LARP1B: variants seen among roughly 807,000 people sequenced by gnomAD.
LARP1B encodes the protein la-related protein 1B.
In LARP1B, 76 loss-of-function variants were observed where a neutral mutation model predicts 114.2. That is an observed-to-expected ratio of 0.67 (90% CI 0.55 to 0.81). The LOEUF (loss-of-function observed/expected upper bound fraction) is 0.81. LARP1B is among the 30% of genes least tolerant of loss of function. The probability of loss-of-function intolerance (pLI) is 0.00; values close to 1 mark genes in which losing one functional copy is unlikely to be tolerated. For synonymous variants in LARP1B, 345 were observed against 348.0 expected (o/e 0.99, Z 0.10); for missense variants, 1,014 against 1,075.8 (o/e 0.94, Z 0.80).
At chr4:128,182,043 A>T (rs1360627593) in intron 15 of LARP1B, among the ~76,000 whole-genome samples, 2 of 143,394 alleles carry the variant, frequency 1.4e-5, no homozygotes, top group African/African-American at 2.6e-5. Context: ...CAATCTCCTG[A>T]TCTCGTGATC....
At chr4:128,214,343 G>C (rs944690829), downstream of LARP1B, among the ~76,000 whole-genome samples, 16 of 148,960 alleles carry the variant, frequency 1.1e-4, no homozygotes, top group Admixed American at 2.0e-4. Context: ...CTCCACTTCT[G>C]GGGGCAGGGC....
rs377468611 is a variant in LARP1B, at chr4:128,077,778, C to A, written c.43-10C>A. The A allele has an allele frequency of 6.6e-7, 1 of 1,526,120 alleles. No homozygotes were observed. The highest frequency in any genetic ancestry group is 2.3e-5 in the East Asian group (1 of 43,250). The allele number at this position is 1,526,120 out of a possible 1,614,324, so 94.5% of individuals were successfully genotyped here. A position where few individuals can be genotyped will look rare whatever the true frequency, so the allele number is the denominator to read the frequency against. On this transcript the variant is annotated splice_polypyrimidine_tract_variant and intron_variant, in intron 3 of 19. Transcript: ENST00000326639. ...ATGGAAATCATTTCATTCTGAAAAC[C>A]TTTTTGCAGTTTCAGAGCGTCCTCA...
chr4:128,178,693 T>G (rs373342385), intron 14 of LARP1B, 51 bp downstream of exon 14: 191 of 1,304,148 alleles, frequency 1.5e-4, no homozygotes, highest in Non-Finnish European at 2.0e-4. Flanking sequence ...TCCTTTAACA[T>G]TACAGAATGA....
chr4:128,096,800 C>T (rs1190029661), intron 7 of LARP1B, among the ~76,000 whole-genome samples: 2 of 151,962 alleles, frequency 1.3e-5, no homozygotes, highest in African/African-American at 2.4e-5. Flanking sequence ...CGGAGTTTCA[C>T]CATGTTAGCC....
Position 128,082,168 on chromosome 4 carries a change from A to G in LARP1B, c.221A>G (p.Asn74Ser). The G allele has an allele frequency of 6.2e-7, 1 of 1,609,734 alleles. No individual in the cohort carries two copies. The highest frequency in any genetic ancestry group is 8.5e-7 in the Non-Finnish European group (1 of 1,179,406). Residue 74 changes from asparagine (N) to serine (S), a missense_variant, in exon 5 of 20, where the codon AAT becomes AGT. Transcript: ENST00000326639. ...AQSSNQRKRA[N>S]KHKWVPLHLD... ...AAATGATTTTGTTTTCTTCAAGCTA[A>G]TAAGCACAAGTGGGTACCACTCCAC...
intron 12 of LARP1B, among the ~76,000 whole-genome samples, chr4:128,167,204 G>A (rs1002531585): frequency 2.6e-5 from 4 of 151,808 alleles, no homozygotes; most frequent in African/African-American, 9.7e-5. Context: ...CTATGGTGAT[G>A]ATTTCATTTC....
intron 9 of LARP1B, among the ~76,000 whole-genome samples, chr4:128,113,065 TTTAAC>T (rs772519806): frequency 2.6e-5 from 4 of 152,192 alleles, no homozygotes; most frequent in Admixed American, 6.5e-5. Context: ...GCATTTAACA[TTTAAC>T]TTCTCAATAT....
intron 10 of LARP1B, among the ~76,000 whole-genome samples, chr4:128,115,463 C>G (rs1785474138): frequency 6.6e-6 from 1 of 152,038 alleles, no homozygotes. Flanking sequence ...CTCAGCTACT[C>G]AGGAGGCTGA....
At position 128,130,684 on chromosome 4, in the gene LARP1B, C is replaced by G. The variant is rs138597151; in HGVS notation, c.1524+8496C>G. Among the ~76,000 whole-genome samples, 749 of 152,344 alleles carry G rather than the reference C, an allele frequency of 4.9e-3. 17 individuals are homozygous for G. The highest frequency in any genetic ancestry group is 0.037 in the Admixed American group (571 of 15,302). ...CTTACCAAAGGATCTAGCAAATTTA[C>G]TCAAATGAGTTGAGATGTGTAGCCA... On this transcript the variant is annotated intron_variant, in intron 11 of 19. Coordinates refer to ENST00000326639, the MANE Select transcript of LARP1B (RefSeq NM_018078.4).
rs755159847 is a variant in LARP1B at position 128,107,343 on chromosome 4, G to GT, written c.988+31dup. 11 of 1,610,676 alleles carry GT rather than the reference G, an allele frequency of 6.8e-6. No homozygotes were observed. The East Asian group carries it at 1.6e-4, about 23-fold the overall frequency. ...CATCTTTTCTTCTAGAGCAAACGAT[G>GT]TAACAGTGGGTTATTTGGTCCAATT... On this transcript the variant is annotated intron_variant, in intron 9 of 19. Transcript: ENST00000326639.
chr4:128,219,576 A>T (rs1432113258), intron 6 of LARP1B, among the ~76,000 whole-genome samples: 1 of 113,602 alleles, frequency 8.8e-6, no homozygotes, highest in Non-Finnish European at 1.8e-5. Context: ...ATTCTCACTC[A>T]TAGGTGGGAA....
intron 9 of LARP1B, among the ~76,000 whole-genome samples, chr4:128,112,422 A>G (rs1784417921): frequency 6.7e-6 from 1 of 148,588 alleles, no homozygotes; most frequent in African/African-American, 2.5e-5. Context: ...AGGACTAGCC[A>G]CATTTGAAGT....
downstream of LARP1B, among the ~76,000 whole-genome samples, chr4:128,212,915 T>C (rs1203429887): frequency 6.8e-3 from 912 of 134,808 alleles, 4 homozygotes; most frequent in African/African-American, 0.023. Flanking sequence ...TCTCTCTCTT[T>C]TTTTTTTTTT....
intron 5 of LARP1B, among the ~76,000 whole-genome samples, chr4:128,089,669 C>T (rs1409599472): frequency 6.6e-6 from 1 of 152,018 alleles, no homozygotes; most frequent in Non-Finnish European, 1.5e-5. Context: ...GTCAACATTT[C>T]ATATTAGAGA....
rs958405242 is a variant in LARP1B at position 128,082,716 on chromosome 4, C to CTTTG, written c.358+412_358+415dup. ...ATAATCGTATTGTAGATATCCCTTA[C>CTTTG]TTTGGGTTTTCTAATGTTTCCTTAT... is the stretch of plus-strand genomic sequence containing the variant. On this transcript the variant is annotated intron_variant, in intron 5 of 19. Transcript: ENST00000326639. Among the ~76,000 whole-genome samples the CTTTG allele has an allele frequency of 2.7e-5, 4 of 150,728 alleles. No individual in the cohort carries two copies. In the South Asian group the frequency reaches 8.4e-4, roughly 32 times the overall value.
chr4:128,136,463 AGAG>A (rs1325592967), intron 11 of LARP1B, among the ~76,000 whole-genome samples: 3 of 152,272 alleles, frequency 2.0e-5, no homozygotes, highest in Admixed American at 6.5e-5. Flanking sequence ...GAAGTTTATC[AGAG>A]GAGATAACTT....
chr4:128,149,438 TATAGTAATCCA>T (rs1402107750), intron 11 of LARP1B, among the ~76,000 whole-genome samples: 8 of 152,132 alleles, frequency 5.3e-5, no homozygotes, highest in Admixed American at 2.0e-4. Flanking sequence ...AAAACCCACT[TATAGTAATCCA>T]AGGGTGAAAT....
At chr4:128,098,767 A>ATATATATATATATATATTTTTT (rs1328165907) in intron 8 of LARP1B, among the ~76,000 whole-genome samples, 1 of 35,034 alleles carries the variant, frequency 2.9e-5, no homozygotes, top group African/African-American at 1.3e-4. Flanking sequence ...ATATATATAT[A>ATATATATATATATATATTTTTT]TTTTTTTTTT....
At chr4:128,069,090 C>T in intron 1 of LARP1B, 1 of 1,037,766 alleles carries the variant, frequency 9.6e-7, no homozygotes, top group Non-Finnish European at 1.5e-6. Flanking sequence ...AGTGTGGTGG[C>T]ACTTAAGGCC....
Sources: allele counts gnomAD v4.1 joint callset (sites outside exome capture counted in the v4.1 genomes callset), GRCh38; gene constraint gnomAD v4.1.1; transcripts MANE v1.5; gene names NCBI Gene and HGNC (gene_info 2026-07-23, HGNC 2026-07-21).